TRIM6: variants seen among roughly 807,000 people sequenced by gnomAD.
The protein encoded by TRIM6 is tripartite motif containing 6.
In TRIM6, 43 loss-of-function variants were observed where a neutral mutation model predicts 51.2. The ratio of observed to expected loss-of-function variants is 0.84; its 90% confidence interval spans 0.66 to 1.08. The LOEUF (loss-of-function observed/expected upper bound fraction) is 1.08, where lower values mean the gene tolerates loss of function less well. Ranked by LOEUF, TRIM6 falls within the 50% of genes least tolerant of loss-of-function variation. TRIM6 has a pLI of 0.00. For synonymous variants in TRIM6, 215 were observed against 232.4 expected (o/e 0.93, Z 0.68); for missense variants, 669 against 619.0 (o/e 1.08, Z -0.86).
intron 1 of TRIM6, among the ~76,000 whole-genome samples, chr11:5,601,352 T>G (rs763715692): frequency 6.6e-6 from 1 of 152,200 alleles, no homozygotes; most frequent in Non-Finnish European, 1.5e-5. Context: ...CTCTTCTTAT[T>G]AAAGAATGGA....
rs747553095 is a variant in TRIM6 at position 5,603,254 on chromosome 11, A to G, written c.26A>G (p.Gln9Arg). ...TTTGTTCATCTACCTAGGATTCTAC[A>G]GGCAGGAAACATCTTAGAAATCAGG... MCGSERIL[Q>R]AGNILEIRVG... The change falls in exon 2 of 8, where the codon CAG (glutamine) becomes CGG (arginine). Residue 9 changes from glutamine to arginine, a missense_variant. Physicochemically the swap from Gln to Arg is conservative, Grantham distance 43 (BLOSUM62 1). Transcript: ENST00000380097. 2 of 1,613,328 alleles carry G rather than the reference A, an allele frequency of 1.2e-6. No homozygotes were observed. Among genetic ancestry groups the G allele is most frequent in the South Asian group, 2.2e-5 (2 of 91,030 alleles).
At chr11:5,602,898 G>C (rs979239588) in intron 1 of TRIM6, among the ~76,000 whole-genome samples, 1 of 152,126 alleles carries the variant, frequency 6.6e-6, no homozygotes, top group Non-Finnish European at 1.5e-5. Context: ...AGATTGCAGT[G>C]AGCTGAGATT....
At chr11:5,602,941 G>A (rs369419651) in intron 1 of TRIM6, among the ~76,000 whole-genome samples, 1 of 152,110 alleles carries the variant, frequency 6.6e-6, no homozygotes, top group Non-Finnish European at 1.5e-5. Flanking sequence ...GTGACAGAGT[G>A]AGTCTCCATC....
chr11:5,596,807 AG>A lies in TRIM6; in HGVS notation c.-90del, dbSNP rs2133802394. On this transcript the variant is annotated 5_prime_UTR_variant, in exon 1 of 8. Transcript: ENST00000380097. Reference sequence around the variant, plus strand: ...CCGAGTGAGCGCGCTCTGTTCCTTAAGATTAGTTTAAGGTGCCTTGGATTGC... The same window carrying A: ...CCGAGTGAGCGCGCTCTGTTCCTTAAATTAGTTTAAGGTGCCTTGGATTGC... The A allele has an allele frequency of 6.2e-7, 1 of 1,605,574 alleles. No homozygotes were observed.
At chr11:5,604,460 C>T in intron 2 of TRIM6, 74 bp from the exon 3 acceptor site, 6 of 1,489,642 alleles carry the variant, frequency 4.0e-6, no homozygotes, top group Non-Finnish European at 5.4e-6. Flanking sequence ...GAATCTCTGT[C>T]CCATTCATTC....
intron 2 of TRIM6, 108 bp downstream of exon 2, chr11:5,603,843 A>G: frequency 6.8e-7 from 1 of 1,469,450 alleles, no homozygotes; most frequent in Non-Finnish European, 9.0e-7. Context: ...TTACCTAGAG[A>G]ATGAACCTGG....
In TRIM6 at chr11:5,605,350, C is replaced by T. The variant is rs1488599944; in HGVS notation, c.617C>T (p.Pro206Leu). ...KKTSWKNQME[P>L]ERCRIQTEFN... ...CTGTTCCTGAAGAATCAGATGGAGC[C>T]TGAGAGATGCAGGATCCAGACAGAG... The change falls in exon 4 of 8, where the codon CCT (proline) becomes CTT (leucine). Residue 206 changes from proline to leucine, a missense_variant. Physicochemically the swap from Pro to Leu is moderately conservative, Grantham distance 98 (BLOSUM62 -3). Coordinates refer to ENST00000380097, the MANE Select transcript of TRIM6 (RefSeq NM_001003818.3). 6.2e-7 allele frequency: 1 copy of T among 1,613,934 alleles called. No individual in the cohort carries two copies.
chr11:5,609,423 C>G (rs576929594), intron 5 of TRIM6, among the ~76,000 whole-genome samples: 3 of 152,254 alleles, frequency 2.0e-5, no homozygotes, highest in Admixed American at 1.3e-4. Flanking sequence ...TTTCAAAGCC[C>G]CAGCAATAGG....
chr11:5,606,378 T>C (rs1039219627), intron 4 of TRIM6, among the ~76,000 whole-genome samples: 1 of 152,200 alleles, frequency 6.6e-6, no homozygotes, highest in Non-Finnish European at 1.5e-5. Flanking sequence ...ATTTTCTGCA[T>C]AGAATGAATA....
Position 5,611,580 on chromosome 11 carries a change from A to G in TRIM6, c.*238A>G, listed in dbSNP as rs577361882. The G allele has an allele frequency of 9.6e-5, 42 of 436,252 alleles. No homozygotes were observed. The Admixed American group carries it at 1.2e-3, about 12-fold the overall frequency. The allele number at this position is 436,252 out of a possible 1,614,324, so 27.0% of individuals were successfully genotyped here. ...GCGAACCTCCTGCCTCAGCATCCCA[A>G]GTAGCTGGGATTACAGGCACCCACC... On this transcript the variant is annotated 3_prime_UTR_variant, in exon 8 of 8. Transcript: ENST00000380097.
intron 1 of TRIM6, among the ~76,000 whole-genome samples, chr11:5,599,444 C>T (rs994986132): frequency 2.0e-5 from 3 of 149,606 alleles, no homozygotes; most frequent in Admixed American, 6.8e-5. Flanking sequence ...CGCTCTGTCG[C>T]CCAGGCTGGA....
chr11:5,611,138 C>T lies in TRIM6; in HGVS notation c.1347C>T (p.Ser449=), dbSNP rs376704480. 3.9e-5 allele frequency: 63 copies of T among 1,614,008 alleles called. No homozygotes were observed. Among genetic ancestry groups the T allele is most frequent in the African/African-American group, 1.3e-5 (1 of 74,898 alleles). The change falls in exon 8 of 8, where the codon TCC becomes TCT. Residue 449 remains serine, a synonymous_variant. Coordinates refer to ENST00000380097, the MANE Select transcript of TRIM6 (RefSeq NM_001003818.3). ...GGGCCTATGAGGATTCTTCCCCTTCCCTGCTTCTCTCCATGACAGTGCCCC... is the reference window on the plus strand; with the variant it reads ...GGGCCTATGAGGATTCTTCCCCTTCTCTGCTTCTCTCCATGACAGTGCCCC... ...EYRAYEDSSP[S]LLLSMTVPPR...
At chr11:5,599,400 T>TATTTA (rs1239706632) in intron 1 of TRIM6, among the ~76,000 whole-genome samples, 2 of 151,126 alleles carry the variant, frequency 1.3e-5, no homozygotes, top group Non-Finnish European at 2.9e-5. Flanking sequence ...TTTATTTATT[T>TATTTA]ATTTATTTAT....
In TRIM6 at chr11:5,596,706, C is replaced by T; in HGVS notation, c.-192C>T. 1 of 816,928 alleles carries T rather than the reference C, an allele frequency of 1.2e-6. No homozygotes were observed. Among genetic ancestry groups the T allele is most frequent in the Non-Finnish European group, 1.9e-6 (1 of 518,380 alleles). 50.6% of individuals were successfully genotyped at this position (816,928 alleles called of 1,614,324 possible). ...GGTCCGTCCGTTCAACGGCCAAAGG[C>T]TGGCGGAGGAGGGATCCCCTGCCTT... On this transcript the variant is annotated 5_prime_UTR_variant, in exon 1 of 8. Coordinates refer to ENST00000380097, the MANE Select transcript of TRIM6 (RefSeq NM_001003818.3).
Position 5,608,847 on chromosome 11 carries a change from A to ATTTT in TRIM6, c.857+471_857+474dup, listed in dbSNP as rs370630648. Among the ~76,000 whole-genome samples the ATTTT allele has an allele frequency of 3.3e-4, 34 of 101,890 alleles. 2 individuals are homozygous for ATTTT. The highest frequency in any genetic ancestry group is 6.8e-4 in the African/African-American group (16 of 23,374). 66.8% of individuals were successfully genotyped at this position (101,890 alleles called of 152,430 possible). ...ACACAGGAATTTTCTTTGCCCATAA[A>ATTTT]TTTTTTTTTTTTTTTTTTTTTGAGA... On this transcript the variant is annotated intron_variant, in intron 5 of 7. Coordinates refer to ENST00000380097, the MANE Select transcript of TRIM6 (RefSeq NM_001003818.3).
In TRIM6 at chr11:5,603,257, C is replaced by T. The variant is rs1210945132; in HGVS notation, c.29C>T (p.Ala10Val). 1.2e-6 allele frequency: 2 copies of T among 1,613,458 alleles called. No individual in the cohort carries two copies. Among genetic ancestry groups the T allele is most frequent in the Admixed American group, 1.7e-5 (1 of 59,976 alleles). The change falls in exon 2 of 8, where the codon GCA becomes GTA. Residue 10 changes from alanine (A) to valine (V), a missense_variant. By Grantham distance (64) the Ala-to-Val change is moderately conservative (BLOSUM62 0). Transcript: ENST00000380097. MCGSERILQ[A>V]GNILEIRVGQ... ...GTTCATCTACCTAGGATTCTACAGG[C>T]AGGAAACATCTTAGAAATCAGGGTT...
chr11:5,606,888 T>A (rs1848241720), intron 4 of TRIM6, among the ~76,000 whole-genome samples: 1 of 152,234 alleles, frequency 6.6e-6, no homozygotes, highest in African/African-American at 2.4e-5. Flanking sequence ...TCCATATCTG[T>A]GTGAATTGTT....
chr11:5,604,674 G>T, intron 3 of TRIM6, 45 bp downstream of exon 3: 1 of 1,593,212 alleles, frequency 6.3e-7, no homozygotes. Flanking sequence ...AGGAATCATG[G>T]CAGGTCATAG....
At chr11:5,597,276 G>A (rs112541160) in intron 1 of TRIM6, among the ~76,000 whole-genome samples, 1 of 152,144 alleles carries the variant, frequency 6.6e-6, no homozygotes, top group Non-Finnish European at 1.5e-5. Flanking sequence ...AGGATTGAGT[G>A]AGACAGATTT....
Sources: allele counts gnomAD v4.1 joint callset (sites outside exome capture counted in the v4.1 genomes callset), GRCh38; gene constraint gnomAD v4.1.1; transcripts MANE v1.5; gene names NCBI Gene and HGNC (gene_info 2026-07-23, HGNC 2026-07-21).